The following ACOXL variants were observed in gnomAD, a reference collection of about 807,000 sequenced individuals.
The protein encoded by ACOXL is acyl-coenzyme A oxidase-like protein.
A neutral mutation model predicts 71.9 loss-of-function variants in ACOXL; 70 were observed. That is an observed-to-expected ratio of 0.97 (90% CI 0.80 to 1.19). The LOEUF (loss-of-function observed/expected upper bound fraction) is 1.19, where lower values mean the gene tolerates loss of function less well. ACOXL is among the 50% of genes most tolerant of loss of function. The pLI is 0.00. For missense variants in ACOXL, 703 were observed against 736.3 expected, an observed-to-expected ratio of 0.95 and a Z score of 0.52; for synonymous variants, 253 against 281.6, an observed-to-expected ratio of 0.90 and a Z score of 1.02.
intron 10 of ACOXL, among the ~76,000 whole-genome samples, chr2:110,896,186 T>C (rs1175044890): frequency 1.3e-5 from 2 of 152,162 alleles, no homozygotes; most frequent in African/African-American, 2.4e-5. Context: ...TAATGAGTTA[T>C]GTATATAACA....
At chr2:110,913,502 G>T (rs1038987514) in intron 11 of ACOXL, among the ~76,000 whole-genome samples, 4 of 152,106 alleles carry the variant, frequency 2.6e-5, no homozygotes, top group South Asian at 4.1e-4. Context: ...GGAGCTACTC[G>T]CAAAAATCAT....
rs546562137 is a variant in ACOXL at position 110,735,137 on chromosome 2, AT to A, written c.-23+2369del. Among the ~76,000 whole-genome samples, 406 of 152,184 alleles carry A rather than the reference AT, an allele frequency of 2.7e-3. 3 individuals are homozygous for A. Among genetic ancestry groups the A allele is most frequent in the African/African-American group, 5.7e-3 (237 of 41,494 alleles). ...AGTAATGGCATGAACAACATTTCAT[AT>A]TTTTTCCCCAAATGGTTAAAGATTC... On this transcript the variant is annotated intron_variant, in intron 1 of 17. Coordinates refer to ENST00000439055, the MANE Select transcript of ACOXL (RefSeq NM_001142807.4).
intron 10 of ACOXL, among the ~76,000 whole-genome samples, chr2:110,844,947 C>T (rs183208063): frequency 3.3e-5 from 5 of 152,266 alleles, no homozygotes; most frequent in African/African-American, 7.2e-5. Context: ...GGTTGAGTTC[C>T]CTCTTTAAAA....
intron 12 of ACOXL, among the ~76,000 whole-genome samples, chr2:110,978,262 A>G (rs915266187): frequency 6.6e-6 from 1 of 152,184 alleles, no homozygotes; most frequent in African/African-American, 2.4e-5. Context: ...CTCACATGGC[A>G]GAAGGCAGAA....
In ACOXL at chr2:110,987,193, C is replaced by A; in HGVS notation, c.1145C>A (p.Ser382Tyr). Residue 382 changes from serine to tyrosine, a missense_variant, in exon 13 of 18, where the codon TCT becomes TAT. Coordinates refer to ENST00000439055, the MANE Select transcript of ACOXL (RefSeq NM_001142807.4). ...GGCCTGCTCCAAAACTGGGCTGAAT[C>A]TGTGGGGGACAAGCTGAGAACCAGG... ...LFGLLQNWAE[S>Y]VGDKLRTSFL... 1 of 1,576,122 alleles carries A rather than the reference C, an allele frequency of 6.3e-7. No homozygotes were observed. Among genetic ancestry groups the A allele is most frequent in the Non-Finnish European group, 8.6e-7 (1 of 1,157,830 alleles).
chr2:110,794,847 C>T (rs1324731586), intron 5 of ACOXL, among the ~76,000 whole-genome samples: 2 of 152,068 alleles, frequency 1.3e-5, no homozygotes, highest in African/African-American at 2.4e-5. Flanking sequence ...CTAAGTCTCT[C>T]TACATTGCTA....
In ACOXL at chr2:110,933,654, G is replaced by A. The variant is rs1339321728; in HGVS notation, c.1059+12G>A. 1.2e-6 allele frequency: 2 copies of A among 1,604,914 alleles called. No individual in the cohort carries two copies. Among genetic ancestry groups the A allele is most frequent in the East Asian group, 2.2e-5 (1 of 44,654 alleles). On this transcript the variant is annotated intron_variant, in intron 12 of 17. Coordinates refer to ENST00000439055, the MANE Select transcript of ACOXL (RefSeq NM_001142807.4). Reference sequence around the variant, plus strand: ...GCACTGGAGGCATGGTGAGCCCCAAGGCCTGCAGCCCCCGTGGGTCCCCAC... The same window carrying A: ...GCACTGGAGGCATGGTGAGCCCCAAAGCCTGCAGCCCCCGTGGGTCCCCAC...
chr2:110,793,565 C>A, intron 3 of ACOXL, 85 bp from the exon 4 acceptor site: 3 of 1,271,984 alleles, frequency 2.4e-6, no homozygotes, highest in Admixed American at 3.4e-5. Flanking sequence ...AATAGCTGCT[C>A]CCTGATTGGA....
At chr2:111,105,087 G>A (rs983328222) in intron 17 of ACOXL, among the ~76,000 whole-genome samples, 3 of 151,984 alleles carry the variant, frequency 2.0e-5, no homozygotes, top group African/African-American at 7.2e-5. Flanking sequence ...ACTAGTAGTT[G>A]AAAAGGCTAT....
chr2:110,949,059 A>T (rs974476441), intron 12 of ACOXL, among the ~76,000 whole-genome samples: 7 of 152,082 alleles, frequency 4.6e-5, no homozygotes, highest in Admixed American at 1.3e-4. Flanking sequence ...CAGAACCATG[A>T]AAAATTCTGG....
At chr2:110,928,945 C>T (rs574298736) in intron 11 of ACOXL, among the ~76,000 whole-genome samples, 1 of 152,362 alleles carries the variant, frequency 6.6e-6, no homozygotes, top group African/African-American at 2.4e-5. Context: ...GCCTTCCCAG[C>T]CACACGGAAT....
At chr2:111,093,563 A>G in intron 17 of ACOXL, 2 of 1,611,122 alleles carry the variant, frequency 1.2e-6, no homozygotes, top group Admixed American at 1.7e-5. Flanking sequence ...ACACAAAACC[A>G]CTTTAAAAAC....
chr2:110,915,420 A>G (rs1278033130), intron 11 of ACOXL, among the ~76,000 whole-genome samples: 1 of 128,634 alleles, frequency 7.8e-6, no homozygotes, highest in East Asian at 2.1e-4. Flanking sequence ...ATATATATAT[A>G]TATATATATT....
At chr2:111,070,894 C>T (rs1301544649) in intron 16 of ACOXL, among the ~76,000 whole-genome samples, 1 of 152,072 alleles carries the variant, frequency 6.6e-6, no homozygotes, top group Non-Finnish European at 1.5e-5. Flanking sequence ...ATTTCACCAG[C>T]GCATGGCCCA....
chr2:110,951,188 T>C (rs2061322595), intron 12 of ACOXL, among the ~76,000 whole-genome samples: 1 of 152,140 alleles, frequency 6.6e-6, no homozygotes, highest in African/African-American at 2.4e-5. Flanking sequence ...TCCCAAAAAA[T>C]AGCAGCTGAG....
chr2:110,820,039 G>T (rs928800564), intron 9 of ACOXL, among the ~76,000 whole-genome samples: 1 of 152,176 alleles, frequency 6.6e-6, no homozygotes, highest in Non-Finnish European at 1.5e-5. Flanking sequence ...CTTGCACCGT[G>T]CCTGACACTC....
chr2:110,860,801 C>T (rs1693855456), intron 10 of ACOXL, among the ~76,000 whole-genome samples: 1 of 152,134 alleles, frequency 6.6e-6, no homozygotes, highest in African/African-American at 2.4e-5. Flanking sequence ...GAAGAGCACT[C>T]AGGAAGTGGC....
At chr2:111,048,536 A>G (rs562185470) in intron 15 of ACOXL, among the ~76,000 whole-genome samples, 122 of 152,382 alleles carry the variant, frequency 8.0e-4, no homozygotes, top group Non-Finnish European at 1.5e-3. Flanking sequence ...TGGTCACCAC[A>G]TAAGTGAGCC....
intron 16 of ACOXL, among the ~76,000 whole-genome samples, chr2:111,067,798 C>T (rs1260078805): frequency 6.6e-6 from 1 of 152,166 alleles, no homozygotes; most frequent in Non-Finnish European, 1.5e-5. Context: ...ATTTATTGAG[C>T]CTCTGTTATA....
Sources: gnomAD v4.1 joint callset for allele counts (sites outside exome capture counted in the v4.1 genomes callset) on GRCh38, gnomAD v4.1.1 for gene constraint, MANE v1.5 for transcripts, NCBI Gene and HGNC (gene_info 2026-07-23, HGNC 2026-07-21) for gene names.